Variants in COL19A1 observed in about 807,000 individuals in gnomAD.
The protein encoded by COL19A1 is collagen type XIX alpha 1 chain.
A neutral mutation model predicts 190.2 loss-of-function variants in COL19A1; 159 were observed. The ratio of observed to expected loss-of-function variants is 0.84; its 90% confidence interval spans 0.73 to 0.95. The LOEUF (loss-of-function observed/expected upper bound fraction) is 0.95, where lower values mean the gene tolerates loss of function less well. COL19A1 is among the 40% of genes least tolerant of loss of function. COL19A1 has a pLI of 0.00. For synonymous variants in COL19A1, 509 were observed against 458.9 expected (o/e 1.11, Z -1.39); for missense variants, 1,418 against 1,431.9 (o/e 0.99, Z 0.16).
intron 11 of COL19A1, among the ~76,000 whole-genome samples, chr6:69,983,394 G>A (rs1776154143): frequency 6.6e-6 from 1 of 152,000 alleles, no homozygotes; most frequent in Non-Finnish European, 1.5e-5. Context: ...AATTCTAATA[G>A]TTCACAGACT....
chr6:69,957,400 T>C (rs950968638), intron 9 of COL19A1, among the ~76,000 whole-genome samples: 1 of 152,184 alleles, frequency 6.6e-6, no homozygotes, highest in African/African-American at 2.4e-5. Flanking sequence ...GTTAAAGACA[T>C]GCTATGTGTT....
intron 11 of COL19A1, among the ~76,000 whole-genome samples, chr6:69,997,483 ACT>A (rs1776990830): frequency 6.6e-6 from 1 of 152,170 alleles, no homozygotes; most frequent in South Asian, 2.1e-4. Context: ...ATTAGAGAAA[ACT>A]CTGTTCAAAT....
intron 10 of COL19A1, among the ~76,000 whole-genome samples, chr6:69,962,349 C>T (rs1322054380): frequency 6.6e-6 from 1 of 152,134 alleles, no homozygotes; most frequent in Non-Finnish European, 1.5e-5. Flanking sequence ...AGCCAGAACC[C>T]AAGGGTTCAA....
At chr6:69,984,407 C>T (rs1051552595) in intron 11 of COL19A1, among the ~76,000 whole-genome samples, 1 of 152,088 alleles carries the variant, frequency 6.6e-6, no homozygotes, top group Non-Finnish European at 1.5e-5. Flanking sequence ...ATTTTAAAGA[C>T]AATCTTTTAA....
chr6:70,203,434 C>G (rs541407054), intron 49 of COL19A1, among the ~76,000 whole-genome samples: 12 of 152,248 alleles, frequency 7.9e-5, no homozygotes, highest in African/African-American at 2.6e-4. Context: ...AATTTAGTAG[C>G]ATTAGGGGCA....
At chr6:69,870,914 A>G (rs1028066641) in intron 1 of COL19A1, among the ~76,000 whole-genome samples, 2 of 152,184 alleles carry the variant, frequency 1.3e-5, no homozygotes, top group African/African-American at 2.4e-5. Flanking sequence ...CAGAGATTTG[A>G]TATGGGGTGA....
rs1321215789 is a variant in COL19A1 at position 69,938,417 on chromosome 6, C to T, written c.936+317C>T. 2.6e-5 allele frequency among the ~76,000 whole-genome samples: 4 copies of T among 152,064 alleles called. No homozygotes were observed. The East Asian group carries it at 7.7e-4, about 29-fold the overall frequency. ...CCCTAGCCTTCTTTAGCATTCCCTT[C>T]CCCAAATCCCTGTTGAATTCTTGCT... is the stretch of plus-strand genomic sequence containing the variant. On this transcript the variant is annotated intron_variant, in intron 9 of 50. Transcript: ENST00000620364.
intron 10 of COL19A1, among the ~76,000 whole-genome samples, chr6:69,962,247 G>C (rs1465383428): frequency 6.6e-6 from 1 of 152,170 alleles, no homozygotes; most frequent in Non-Finnish European, 1.5e-5. Context: ...CATGGTGATT[G>C]AGAGCCAGCA....
At chr6:69,919,812 C>T (rs1475977540) in intron 4 of COL19A1, among the ~76,000 whole-genome samples, 2 of 151,876 alleles carry the variant, frequency 1.3e-5, no homozygotes. Context: ...TTTTGTTTTG[C>T]TTTTTCTCCT....
chr6:69,883,224 G>T (rs1156819774), intron 2 of COL19A1, among the ~76,000 whole-genome samples: 1 of 152,082 alleles, frequency 6.6e-6, no homozygotes, highest in Admixed American at 6.5e-5. Context: ...GAGGTGTGAG[G>T]GTACATGCTC....
chr6:69,946,275 A>G (rs1161462903), intron 9 of COL19A1, among the ~76,000 whole-genome samples: 1 of 152,058 alleles, frequency 6.6e-6, no homozygotes, highest in Non-Finnish European at 1.5e-5. Flanking sequence ...CTGTGAGGTT[A>G]TTACTAAGAG....
chr6:70,048,390 T>G (rs566601023), intron 14 of COL19A1, among the ~76,000 whole-genome samples: 1 of 152,074 alleles, frequency 6.6e-6, no homozygotes, highest in Non-Finnish European at 1.5e-5. Context: ...CTTTCCTCCC[T>G]TCCTCTTTTA....
chr6:70,206,902 C>T lies in COL19A1; in HGVS notation c.3225C>T (p.Gly1075=). ...PGPPGDPGPQ[G]YRGQKGERGE... ...CTTTTTTATATATTTCTCACTTAGG[C>T]TACAGAGGACAGAAGGGAGAAAGAG... Residue 1075 remains glycine (G), a splice_region_variant and synonymous_variant, in exon 50 of 51, where the codon GGC becomes GGT. Transcript: ENST00000620364. 1 of 1,613,194 alleles carries T rather than the reference C, an allele frequency of 6.2e-7. No individual in the cohort carries two copies. The highest frequency in any genetic ancestry group is 1.1e-5 in the South Asian group (1 of 90,964).
chr6:70,070,761 A>C (rs1263275905), intron 15 of COL19A1, among the ~76,000 whole-genome samples: 1 of 152,156 alleles, frequency 6.6e-6, no homozygotes, highest in Non-Finnish European at 1.5e-5. Context: ...GTATTTGTAC[A>C]TGTATGCCTG....
At chr6:70,035,175 C>T (rs562410630) in intron 13 of COL19A1, among the ~76,000 whole-genome samples, 11 of 152,176 alleles carry the variant, frequency 7.2e-5, no homozygotes, top group South Asian at 4.1e-4. Context: ...AAATAAGAAC[C>T]GTGGAAAGGA....
intron 4 of COL19A1, among the ~76,000 whole-genome samples, chr6:69,906,151 A>G (rs919280224): frequency 4.6e-5 from 7 of 152,240 alleles, no homozygotes; most frequent in Non-Finnish European, 8.8e-5. Context: ...TGTAGTCTCT[A>G]TCTAGCTTCC....
chr6:69,979,054 T>C (rs1019076484), intron 11 of COL19A1, among the ~76,000 whole-genome samples: 4 of 151,938 alleles, frequency 2.6e-5, no homozygotes, highest in Non-Finnish European at 4.4e-5. Context: ...ACTACACTAA[T>C]TACTGTGGAA....
rs577731720 is a variant in COL19A1 at position 70,207,302 on chromosome 6, G to A, written c.*28G>A. On this transcript the variant is annotated 3_prime_UTR_variant, in exon 51 of 51. Transcript: ENST00000620364. ...ACACCTGAAGAAGACTTGGTTCCTG[G>A]TAACATTTCCTTGCCACTGGAGCTC... 6.3e-7 allele frequency: 1 copy of A among 1,592,422 alleles called. No homozygotes were observed. The highest frequency in any genetic ancestry group is 1.7e-5 in the Admixed American group (1 of 58,838).
chr6:70,189,756 A>G (rs930010702), intron 47 of COL19A1, among the ~76,000 whole-genome samples: 2 of 152,224 alleles, frequency 1.3e-5, no homozygotes, highest in African/African-American at 4.8e-5. Context: ...CTTAATACCT[A>G]TATACTTGCA....
Sources: allele counts gnomAD v4.1 joint callset (sites outside exome capture counted in the v4.1 genomes callset), GRCh38; gene constraint gnomAD v4.1.1; transcripts MANE v1.5; gene names NCBI Gene and HGNC (gene_info 2026-07-23, HGNC 2026-07-21).